The following RAD51AP2 variants were observed in gnomAD, a reference collection of about 807,000 sequenced individuals.
RAD51AP2 encodes RAD51-associated protein 2.
A neutral mutation model predicts 85.5 loss-of-function variants in RAD51AP2; 67 were observed. The ratio of observed to expected loss-of-function variants is 0.78; its 90% CI spans 0.64 to 0.96. The LOEUF (loss-of-function observed/expected upper bound fraction) is 0.96. RAD51AP2 is among the 40% of genes least tolerant of loss of function. The pLI is 0.00. For missense variants in RAD51AP2, 1,307 were observed against 1,332.4 expected, an observed-to-expected ratio of 0.98 and a Z score of 0.30; for synonymous variants, 474 against 446.5, an observed-to-expected ratio of 1.06 and a Z score of -0.78.
chr2:17,517,946 T>C lies in RAD51AP2; in HGVS notation c.470A>G (p.Gln157Arg), dbSNP rs748575130. Residue 157 changes from glutamine to arginine, a missense_variant, in exon 1 of 3, where the codon CAA (glutamine) becomes CGA (arginine). Gln to Arg is a conservative substitution (Grantham distance 43). Transcript: ENST00000399080. ...RSNSSKAGVS[Q>R]LLPSTSIHDI... ...GTGTATAGAGGTGCTGGGCAGAAGTTGACTAACCCCTGCTTTGGAGCTATT... is the reference window on the plus strand; with the variant it reads ...GTGTATAGAGGTGCTGGGCAGAAGTCGACTAACCCCTGCTTTGGAGCTATT... The C allele has an allele frequency of 6.2e-7, 1 of 1,614,214 alleles. No homozygotes were observed. The highest frequency in any genetic ancestry group is 8.5e-7 in the Non-Finnish European group (1 of 1,180,036).
chr2:17,522,392 G>A (rs1189501702), upstream of RAD51AP2, among the ~76,000 whole-genome samples: 1 of 151,950 alleles, frequency 6.6e-6, no homozygotes, highest in Non-Finnish European at 1.5e-5. Flanking sequence ...TTTCTGCAGT[G>A]ATCCAAAGTT....
At position 17,515,920 on chromosome 2, in the gene RAD51AP2, A is replaced by C; in HGVS notation, c.2496T>G (p.Ile832Met). Residue 832 changes from isoleucine to methionine, a missense_variant, in exon 1 of 3, where the codon ATT (isoleucine) becomes ATG (methionine). Ile to Met is a conservative substitution (Grantham distance 10). Transcript: ENST00000399080. ...SEIEEKKYDL[I>M]LKEEVKVTAE... ...CTGTGACTTTTACTTCCTCTTTCAA[A>C]ATTAAGTCATATTTTTTTTCTTCTA... 6.2e-7 allele frequency: 1 copy of C among 1,602,972 alleles called. No individual in the cohort carries two copies. Among genetic ancestry groups the C allele is most frequent in the South Asian group, 1.1e-5 (1 of 87,664 alleles).
In RAD51AP2 at chr2:17,515,452, T is replaced by A. The variant is rs750831557; in HGVS notation, c.2964A>T (p.Leu988=). ...GCCCATTGTTTGTTTCCACAGTGCTTAGAAGTTCATTTTCCCTACTAATTT... is the reference window on the plus strand; with the variant it reads ...GCCCATTGTTTGTTTCCACAGTGCTAAGAAGTTCATTTTCCCTACTAATTT... ...FHEISRENEL[L]STVETNNGQE... is the part of the protein sequence containing the mutation. Residue 988 remains leucine, a synonymous_variant, in exon 1 of 3, where the codon CTA becomes CTT. Coordinates refer to ENST00000399080, the MANE Select transcript of RAD51AP2 (RefSeq NM_001099218.3). 6.2e-7 allele frequency: 1 copy of A among 1,613,650 alleles called. No homozygotes were observed. The highest frequency in any genetic ancestry group is 1.1e-5 in the South Asian group (1 of 90,960).
the RAD51AP2 span, among the ~76,000 whole-genome samples, chr2:17,536,951 G>T: frequency 6.6e-6 from 1 of 152,294 alleles, no homozygotes; most frequent in African/African-American, 2.4e-5. Context: ...TATTCTAAGA[G>T]ATACTTCCTA....
chr2:17,518,625 A>C (rs1299825772), upstream of RAD51AP2, among the ~76,000 whole-genome samples: 3 of 36,172 alleles, frequency 8.3e-5, no homozygotes, highest in African/African-American at 1.1e-4. Context: ...CCCTGCCCCC[A>C]CCCACGCGCC....
upstream of RAD51AP2, among the ~76,000 whole-genome samples, chr2:17,520,952 C>A (rs182848323): frequency 1.1e-3 from 163 of 152,204 alleles, no homozygotes; most frequent in Middle Eastern, 6.8e-3. Flanking sequence ...AATCCCTGGG[C>A]AGAATTACTT....
chr2:17,526,203 T>C, the RAD51AP2 span, among the ~76,000 whole-genome samples: 1 of 152,048 alleles, frequency 6.6e-6, no homozygotes. Context: ...ACAGAGGATT[T>C]TCTTTTTTTT....
At chr2:17,524,321 C>T in the RAD51AP2 span, among the ~76,000 whole-genome samples, 8 of 151,970 alleles carry the variant, frequency 5.3e-5, no homozygotes, top group Non-Finnish European at 1.2e-4. Flanking sequence ...AAATAATACA[C>T]AGTCTTTTTC....
At chr2:17,511,410 A>G (rs1307560729) in intron 2 of RAD51AP2, among the ~76,000 whole-genome samples, 3 of 152,200 alleles carry the variant, frequency 2.0e-5, no homozygotes, top group African/African-American at 7.2e-5. Context: ...TTATGCATCA[A>G]TAGAGGGCTC....
In RAD51AP2 at chr2:17,515,248, A is replaced by AT; in HGVS notation, c.3167dup (p.Asn1056LysfsTer8). The AT allele has an allele frequency of 1.2e-6, 2 of 1,612,926 alleles. No individual in the cohort carries two copies. Among genetic ancestry groups the AT allele is most frequent in the East Asian group, 4.5e-5 (2 of 44,804 alleles). ...TCTCATTAGGAACTTCCTGTTCTCC[A>AT]TTATTGGGTACAGTTTTCCATTTAA... is the stretch of plus-strand genomic sequence containing the variant. On this transcript the variant is annotated frameshift_variant, in exon 1 of 3. Transcript: ENST00000399080. LOFTEE classifies it high-confidence loss of function.
At chr2:17,511,163 T>C (rs1434940754) in intron 2 of RAD51AP2, among the ~76,000 whole-genome samples, 1 of 152,190 alleles carries the variant, frequency 6.6e-6, no homozygotes, top group African/African-American at 2.4e-5. Context: ...AAAAGTTAAG[T>C]AACTTGCCCC....
chr2:17,534,302 T>C, the RAD51AP2 span, among the ~76,000 whole-genome samples: 1 of 152,224 alleles, frequency 6.6e-6, no homozygotes, highest in African/African-American at 2.4e-5. Context: ...TTTGGTTTTC[T>C]CTTCTAGTAG....
At chr2:17,515,114 A>G in intron 1 of RAD51AP2, 55 bp downstream of exon 1, 1 of 1,425,466 alleles carries the variant, frequency 7.0e-7, no homozygotes, top group Non-Finnish European at 9.4e-7. Flanking sequence ...CCTACACAGA[A>G]AAAAGCAGTA....
chr2:17,523,813 T>C, the RAD51AP2 span, among the ~76,000 whole-genome samples: 2 of 151,928 alleles, frequency 1.3e-5, no homozygotes, highest in Non-Finnish European at 2.9e-5. Flanking sequence ...AGGAAAACAA[T>C]GGATCAAAAG....
In RAD51AP2 at chr2:17,513,944, T is replaced by G. The variant is rs6755055; in HGVS notation, c.3328+68A>C. 5.1e-4 allele frequency: 433 copies of G among 840,968 alleles called. 1 individual carries two copies. The African/African-American group carries it at 6.8e-3, about 13-fold the overall frequency. 52.1% of individuals were successfully genotyped at this position (840,968 alleles called of 1,614,324 possible). ...AACAACATGAATATCTATACTTTCC[T>G]CATACTAAAAATACCATAATGCAAT... is the stretch of plus-strand genomic sequence containing the variant. On this transcript the variant is annotated intron_variant, in intron 2 of 2. Transcript: ENST00000399080.
At position 17,517,834 on chromosome 2, in the gene RAD51AP2, A is replaced by G. The variant is rs186992124; in HGVS notation, c.582T>C (p.Asp194=). ...DNVHKENPFL[D]VTFYKETKSP... Reference sequence around the variant, plus strand: ...ATTTAGTTTCCTTGTAAAAGGTAACATCTAAAAATGGATTTTCTTTGTGAA... The same window carrying G: ...ATTTAGTTTCCTTGTAAAAGGTAACGTCTAAAAATGGATTTTCTTTGTGAA... Residue 194 remains aspartate, a synonymous_variant, in exon 1 of 3, where the codon GAT becomes GAC. Transcript: ENST00000399080. 32 of 1,614,176 alleles carry G rather than the reference A, an allele frequency of 2.0e-5. No homozygotes were observed. The East Asian group carries it at 7.1e-4, about 36-fold the overall frequency.
In RAD51AP2 at chr2:17,516,884, A is replaced by G. The variant is rs760277182; in HGVS notation, c.1532T>C (p.Ile511Thr). 3.2e-6 allele frequency: 5 copies of G among 1,570,910 alleles called. No homozygotes were observed. In the South Asian group the frequency reaches 4.7e-5, roughly 15 times the overall value. ...ACTTTTATGGAAATAAAAAATTTCT[A>G]TAATGAAACTTTCAAAAGGGTTGTT... ...HVNNPFESFIIEIFYFHKSIS... is the reference protein window; with the variant it reads ...HVNNPFESFITEIFYFHKSIS... The change falls in exon 1 of 3, where the codon ATA becomes ACA. Residue 511 changes from isoleucine (I) to threonine (T), a missense_variant. Physicochemically the swap from Ile to Thr is moderately conservative, Grantham distance 89. Around this residue, in one of 3 missense-constraint regions of RAD51AP2, gnomAD observed 635 missense variants for 643.6 expected, o/e 0.99. Transcript: ENST00000399080.
In RAD51AP2 at chr2:17,516,087, A is replaced by C; in HGVS notation, c.2329T>G (p.Phe777Val). The change falls in exon 1 of 3, where the codon TTT becomes GTT. Residue 777 changes from phenylalanine (F) to valine (V), a missense_variant. Physicochemically the swap from Phe to Val is conservative, Grantham distance 50. This residue lies in a region of RAD51AP2 where 668 missense variants were observed against 671.0 expected (regional missense o/e 1.00). Transcript: ENST00000399080. ...TCTTCAAATATGTGCTCACAGTCAA[A>C]GTTACTGATCTTATTATGTCCCTGT... Reference protein sequence around the residue: ...RKQGHNKISNFDCEHIFEDLC... With the variant: ...RKQGHNKISNVDCEHIFEDLC... 1 of 1,613,070 alleles carries C rather than the reference A, an allele frequency of 6.2e-7. No individual in the cohort carries two copies.
chr2:17,515,708 T>A lies in RAD51AP2; in HGVS notation c.2708A>T (p.Glu903Val). Residue 903 changes from glutamate to valine, a missense_variant, in exon 1 of 3, where the codon GAG becomes GTG. By Grantham distance (121) the Glu-to-Val change is moderately radical (BLOSUM62 -2). Transcript: ENST00000399080. The stretch of plus-strand genomic sequence containing the variant: ...TATCTCCCTTTCTGGCAAAATACTC[T>A]CATATTCATTTGTATTTGTTACATA... The part of the protein sequence containing the change: ...QNYVTNTNEY[E>V]SILPEREIAN... 1 of 1,602,268 alleles carries A rather than the reference T, an allele frequency of 6.2e-7. No individual in the cohort carries two copies. Among genetic ancestry groups the A allele is most frequent in the Non-Finnish European group, 8.5e-7 (1 of 1,174,248 alleles).
Sources: allele counts gnomAD v4.1 joint callset (sites outside exome capture counted in the v4.1 genomes callset), GRCh38; gene constraint gnomAD v4.1.1; regional missense constraint gnomAD v4.1.1; transcripts MANE v1.5; gene names NCBI Gene and HGNC (gene_info 2026-07-23, HGNC 2026-07-21).